Variants in CNTNAP4 observed in about 807,000 individuals in gnomAD.
CNTNAP4 encodes the protein contactin associated protein family member 4.
In CNTNAP4, 98 loss-of-function variants were observed where a neutral mutation model predicts 148.4. The observed-to-expected ratio is 0.66, with a 90% confidence interval of 0.56 to 0.78. CNTNAP4 has a LOEUF of 0.78. Among genes scored for constraint, CNTNAP4 ranks in the 30% least tolerant of loss-of-function variants. The pLI is 0.00. For missense variants in CNTNAP4, 1,935 were observed against 1,565.6 expected, an observed-to-expected ratio of 1.24 and a Z score of -3.98; for synonymous variants, 730 against 565.1, an observed-to-expected ratio of 1.29 and a Z score of -4.14.
rs1383956619 is a variant in CNTNAP4 at position 76,397,956 on chromosome 16, A to G, written c.391-29496A>G. Among the ~76,000 whole-genome samples the G allele has an allele frequency of 8.7e-3, 105 of 12,084 alleles. 3 individuals are homozygous for G. Among genetic ancestry groups the G allele is most frequent in the African/African-American group, 0.032 (75 of 2,362 alleles). 7.9% of individuals were successfully genotyped at this position (12,084 alleles called of 152,430 possible). A position where few individuals can be genotyped will look rare whatever the true frequency, so the allele number is the denominator to read the frequency against. On this transcript the variant is annotated intron_variant, in intron 3 of 23. Transcript: ENST00000611870. Reference sequence around the variant, plus strand: ...TAATAGATTATATACATATATATATATATATATATATATATATATATATAT... The same window carrying G: ...TAATAGATTATATACATATATATATGTATATATATATATATATATATATAT...
chr16:76,374,621 A>C (rs1045955135), intron 3 of CNTNAP4, among the ~76,000 whole-genome samples: 8 of 152,014 alleles, frequency 5.3e-5, no homozygotes, highest in African/African-American at 1.9e-4. Flanking sequence ...ATTTATGTAC[A>C]CACAAACATT....
intron 2 of CNTNAP4, among the ~76,000 whole-genome samples, chr16:76,337,276 C>T (rs35330137): frequency 0.25 from 38,741 of 152,038 alleles, 5,742 homozygotes; most frequent in Non-Finnish European, 0.35. Flanking sequence ...TTCGGGGAAC[C>T]AGCCCCCAGT....
intron 4 of CNTNAP4, among the ~76,000 whole-genome samples, chr16:76,433,239 A>G (rs1001892100): frequency 5.3e-5 from 8 of 152,138 alleles, no homozygotes; most frequent in Admixed American, 2.0e-4. Context: ...TGCTTTCTCC[A>G]TCATTCTAGT....
chr16:76,548,699 C>G (rs57531985), intron 21 of CNTNAP4, among the ~76,000 whole-genome samples: 48,727 of 151,810 alleles, frequency 0.32, 8,134 homozygotes, highest in African/African-American at 0.42. Context: ...GGATTATTAT[C>G]ACAAGAAACA....
chr16:76,363,463 G>C (rs2013693746), intron 3 of CNTNAP4, among the ~76,000 whole-genome samples: 2 of 151,920 alleles, frequency 1.3e-5, no homozygotes, highest in African/African-American at 4.8e-5. Context: ...CGCCCAGCCT[G>C]GACCCTTATA....
chr16:76,528,551 C>G (rs996888102), intron 17 of CNTNAP4, among the ~76,000 whole-genome samples: 1 of 152,158 alleles, frequency 6.6e-6, no homozygotes, highest in African/African-American at 2.4e-5. Flanking sequence ...AGGTGTGAGC[C>G]ACCACGCCTC....
intron 8 of CNTNAP4, among the ~76,000 whole-genome samples, chr16:76,453,841 C>T (rs1597594129): frequency 6.6e-6 from 1 of 151,982 alleles, no homozygotes; most frequent in Non-Finnish European, 1.5e-5. Context: ...TAAAGAGATA[C>T]TATGCTGTGA....
chr16:76,491,127 T>G (rs1405418931), intron 13 of CNTNAP4, among the ~76,000 whole-genome samples: 3 of 152,116 alleles, frequency 2.0e-5, no homozygotes, highest in Non-Finnish European at 4.4e-5. Flanking sequence ...ACTGCCCCCT[T>G]GCCCTTCTTC....
chr16:76,296,866 C>A (rs1959360877), intron 1 of CNTNAP4, among the ~76,000 whole-genome samples: 2 of 152,146 alleles, frequency 1.3e-5, no homozygotes, highest in South Asian at 4.1e-4. Context: ...TTTAATTCTC[C>A]AGTGTGTTCT....
In CNTNAP4 at chr16:76,489,791, T is replaced by C; in HGVS notation, c.1988T>C (p.Met663Thr). Residue 663 changes from methionine to threonine, a missense_variant, in exon 13 of 24, where the codon ATG (methionine) becomes ACG (threonine). Met to Thr is a moderately conservative substitution (Grantham distance 81). Transcript: ENST00000611870. ...GGGTTTTTCGAGTATGTGGCCAGCA[T>C]GGAGCAACTTCAGGCCACTATTAAC... ...YAGFFEYVAS[M>T]EQLQATINRA... is the part of the protein sequence containing the mutation. The C allele has an allele frequency of 1.2e-6, 2 of 1,606,762 alleles. No individual in the cohort carries two copies. The highest frequency in any genetic ancestry group is 8.5e-7 in the Non-Finnish European group (1 of 1,176,326).
chr16:76,446,255 A>T (rs1198022742), intron 4 of CNTNAP4, among the ~76,000 whole-genome samples: 1 of 152,204 alleles, frequency 6.6e-6, no homozygotes, highest in African/African-American at 2.4e-5. Context: ...ATCAAACAAG[A>T]TGAGTAAACT....
intron 3 of CNTNAP4, among the ~76,000 whole-genome samples, chr16:76,407,420 A>C (rs1381805810): frequency 1.3e-5 from 2 of 151,874 alleles, no homozygotes; most frequent in African/African-American, 4.8e-5. Context: ...TCTGGAAAGC[A>C]GTCACCATCC....
At chr16:76,347,938 G>T (rs1965045313) in intron 2 of CNTNAP4, among the ~76,000 whole-genome samples, 1 of 152,146 alleles carries the variant, frequency 6.6e-6, no homozygotes, top group African/African-American at 2.4e-5. Context: ...CAGTATTGCA[G>T]TATTTTGTGC....
intron 12 of CNTNAP4, among the ~76,000 whole-genome samples, chr16:76,481,077 A>T (rs1426909732): frequency 6.6e-6 from 1 of 152,244 alleles, no homozygotes; most frequent in Non-Finnish European, 1.5e-5. Flanking sequence ...TAGAGAATTT[A>T]TAAACAGACT....
At chr16:76,411,869 A>G (rs886991699) in intron 3 of CNTNAP4, among the ~76,000 whole-genome samples, 1 of 151,578 alleles carries the variant, frequency 6.6e-6, no homozygotes, top group African/African-American at 2.4e-5. Flanking sequence ...TATACAACTC[A>G]TTGGACTATC....
intron 4 of CNTNAP4, among the ~76,000 whole-genome samples, chr16:76,430,014 T>A (rs1226171633): frequency 6.6e-6 from 1 of 152,190 alleles, no homozygotes; most frequent in Non-Finnish European, 1.5e-5. Flanking sequence ...TTCTTGTAGA[T>A]AATCAGAAAA....
intron 2 of CNTNAP4, among the ~76,000 whole-genome samples, chr16:76,348,938 G>A (rs1227408969): frequency 1.3e-5 from 2 of 151,972 alleles, no homozygotes; most frequent in Non-Finnish European, 2.9e-5. Flanking sequence ...ATGTAACAGT[G>A]TACTGATGGG....
At chr16:76,516,901 T>G (rs1334805284) in intron 15 of CNTNAP4, among the ~76,000 whole-genome samples, 1 of 152,096 alleles carries the variant, frequency 6.6e-6, no homozygotes, top group African/African-American at 2.4e-5. Flanking sequence ...CTGTCTCTAC[T>G]AAAAACACAA....
intron 18 of CNTNAP4, among the ~76,000 whole-genome samples, chr16:76,536,899 C>T (rs1415126151): frequency 1.3e-5 from 2 of 152,126 alleles, no homozygotes; most frequent in African/African-American, 4.8e-5. Flanking sequence ...GGCTATTGAA[C>T]CTTTTCCTGA....
Sources: gnomAD v4.1 joint callset for allele counts (sites outside exome capture counted in the v4.1 genomes callset) on GRCh38, gnomAD v4.1.1 for gene constraint, MANE v1.5 for transcripts, NCBI Gene and HGNC (gene_info 2026-07-23, HGNC 2026-07-21) for gene names.